CDH13: variants seen among roughly 807,000 people sequenced by gnomAD.
The protein encoded by CDH13 is cadherin 13, also known as cadherin-13.
CDH13 carries 24 observed loss-of-function variants against 63.8 expected under a neutral mutation model. The ratio of observed to expected loss-of-function variants is 0.38; its 90% confidence interval spans 0.27 to 0.53. The LOEUF is 0.53. CDH13 is among the 20% of genes least tolerant of loss of function. CDH13 has a pLI of 0.85. For missense variants in CDH13, 1,049 were observed against 903.1 expected, an observed-to-expected ratio of 1.16 and a Z score of -2.07; for synonymous variants, 503 against 355.3, an observed-to-expected ratio of 1.42 and a Z score of -4.67.
At chr16:83,559,549 C>T (rs1198772908) in intron 7 of CDH13, among the ~76,000 whole-genome samples, 1 of 144,384 alleles carries the variant, frequency 6.9e-6, no homozygotes, top group Admixed American at 7.0e-5. Context: ...CCAGCTTGGG[C>T]AACAAGAGCG....
At chr16:83,075,256 TAAAAG>T (rs2032748356) in intron 3 of CDH13, among the ~76,000 whole-genome samples, 1 of 152,084 alleles carries the variant, frequency 6.6e-6, no homozygotes, top group South Asian at 2.1e-4. Flanking sequence ...ACCTCCCAAA[TAAAAG>T]AGTTTCACCC....
intron 5 of CDH13, among the ~76,000 whole-genome samples, chr16:83,230,048 T>C (rs1324885773): frequency 6.6e-6 from 1 of 152,226 alleles, no homozygotes; most frequent in Non-Finnish European, 1.5e-5. Context: ...CATTAATAGT[T>C]GGGGAATCCA....
intron 5 of CDH13, among the ~76,000 whole-genome samples, chr16:83,294,675 G>A (rs2089546860): frequency 6.6e-6 from 1 of 151,604 alleles, no homozygotes; most frequent in Non-Finnish European, 1.5e-5. Flanking sequence ...ATTGAACAAG[G>A]GAAGTGAATG....
intron 2 of CDH13, among the ~76,000 whole-genome samples, chr16:82,904,945 A>G (rs755003359): frequency 6.6e-6 from 1 of 152,040 alleles, no homozygotes; most frequent in East Asian, 1.9e-4. Context: ...CCCTAAATGA[A>G]CCCAGGTTTC....
chr16:83,430,094 A>G (rs2072050213), intron 6 of CDH13, among the ~76,000 whole-genome samples: 1 of 152,180 alleles, frequency 6.6e-6, no homozygotes, highest in Non-Finnish European at 1.5e-5. Context: ...AAATAGAGCT[A>G]CCATGTGATC....
rs888770881 is a variant in CDH13, at chr16:83,487,814, G to T, written c.960+1159G>T. On this transcript the variant is annotated intron_variant, in intron 7 of 13. Coordinates refer to ENST00000567109, the MANE Select transcript of CDH13 (RefSeq NM_001257.5). Reference sequence around the variant, plus strand: ...AGTGTTTTTGATGAAATAAATCCATGGTTCGGAGTGTTGTTTCCTCTGCTT... The same window carrying T: ...AGTGTTTTTGATGAAATAAATCCATTGTTCGGAGTGTTGTTTCCTCTGCTT... Among the ~76,000 whole-genome samples the T allele has an allele frequency of 3.3e-5, 5 of 152,280 alleles. No individual in the cohort carries two copies. The East Asian group carries it at 9.7e-4, about 29-fold the overall frequency.
intron 6 of CDH13, among the ~76,000 whole-genome samples, chr16:83,369,016 C>T (rs1358083339): frequency 6.8e-6 from 1 of 146,496 alleles, no homozygotes; most frequent in Non-Finnish European, 1.5e-5. Context: ...AATTGTGCTG[C>T]TATAAACATG....
chr16:83,132,936 G>A (rs1186283921), intron 4 of CDH13, among the ~76,000 whole-genome samples: 1 of 152,084 alleles, frequency 6.6e-6, no homozygotes, highest in Non-Finnish European at 1.5e-5. Context: ...TCTTTGAACT[G>A]TCAGTTCTTC....
intron 5 of CDH13, among the ~76,000 whole-genome samples, chr16:83,282,230 G>C (rs1042231757): frequency 6.6e-6 from 1 of 152,106 alleles, no homozygotes. Flanking sequence ...AAAGATCACT[G>C]ATCTCAGATC....
intron 8 of CDH13, among the ~76,000 whole-genome samples, chr16:83,616,500 T>TA (rs1403803148): frequency 6.6e-6 from 1 of 152,026 alleles, no homozygotes; most frequent in Non-Finnish European, 1.5e-5. Flanking sequence ...GGCAGAGTCT[T>TA]ACCACCGAGC....
intron 5 of CDH13, among the ~76,000 whole-genome samples, chr16:83,306,358 G>C (rs1376230259): frequency 6.6e-6 from 1 of 152,184 alleles, no homozygotes; most frequent in African/African-American, 2.4e-5. Flanking sequence ...TATAGGGGCA[G>C]ATGTCTCACA....
chr16:83,619,622 A>T (rs1909621397), intron 8 of CDH13, among the ~76,000 whole-genome samples: 1 of 152,080 alleles, frequency 6.6e-6, no homozygotes, highest in Admixed American at 6.5e-5. Context: ...CTTGTGCATG[A>T]GCACGAGCAT....
intron 1 of CDH13, among the ~76,000 whole-genome samples, chr16:82,672,999 C>CTGTTTTTTTTTTTTTTT (rs1913454469): frequency 1.2e-5 from 1 of 81,268 alleles, no homozygotes; most frequent in Non-Finnish European, 2.1e-5. Context: ...ATAAAGTTTT[C>CTGTTTTTTTTTTTTTTT]TTTTTTTTTT....
intron 2 of CDH13, among the ~76,000 whole-genome samples, chr16:83,029,810 T>G (rs1050623967): frequency 5.9e-5 from 9 of 152,158 alleles, no homozygotes; most frequent in African/African-American, 2.2e-4. Flanking sequence ...TTTGTAAAAA[T>G]TCATTGGGTT....
At position 83,110,666 on chromosome 16, in the gene CDH13, G is replaced by A. The variant is rs184975735; in HGVS notation, c.367-14719G>A. Among the ~76,000 whole-genome samples the A allele has an allele frequency of 4.5e-3, 678 of 152,178 alleles. 6 individuals are homozygous for A. Among genetic ancestry groups the A allele is most frequent in the African/African-American group, 0.016 (647 of 41,516 alleles). On this transcript the variant is annotated intron_variant, in intron 3 of 13. Coordinates refer to ENST00000567109, the MANE Select transcript of CDH13 (RefSeq NM_001257.5). ...CCTCCCTGGGCCTGGTTAGTAGTATGGTAATACAGATAGATAACCGAAGTA... is the reference window on the plus strand; with the variant it reads ...CCTCCCTGGGCCTGGTTAGTAGTATAGTAATACAGATAGATAACCGAAGTA...
chr16:82,676,720 C>T (rs1913954136), intron 1 of CDH13, among the ~76,000 whole-genome samples: 1 of 152,064 alleles, frequency 6.6e-6, no homozygotes, highest in African/African-American at 2.4e-5. Flanking sequence ...AGCTATAAGA[C>T]CTTGCATGAG....
intron 1 of CDH13, among the ~76,000 whole-genome samples, chr16:82,724,264 C>A (rs893762857): frequency 1.3e-5 from 2 of 151,838 alleles, no homozygotes; most frequent in Admixed American, 6.5e-5. Flanking sequence ...TCCATCTATG[C>A]ATCCTTCCGT....
At chr16:83,298,767 A>G (rs1247346989) in intron 5 of CDH13, among the ~76,000 whole-genome samples, 6 of 152,204 alleles carry the variant, frequency 3.9e-5, no homozygotes, top group Non-Finnish European at 8.8e-5. Flanking sequence ...TGCCTGCTTC[A>G]CTGAGCATTA....
intron 6 of CDH13, among the ~76,000 whole-genome samples, chr16:83,391,857 C>G (rs934721844): frequency 2.0e-5 from 3 of 152,178 alleles, no homozygotes; most frequent in African/African-American, 4.8e-5. Context: ...ATATGTTCAT[C>G]TGTACGAAAA....
Sources: allele counts gnomAD v4.1 joint callset (sites outside exome capture counted in the v4.1 genomes callset), GRCh38; gene constraint gnomAD v4.1.1; transcripts MANE v1.5; gene names NCBI Gene and HGNC (gene_info 2026-07-23, HGNC 2026-07-21).